Variants in RRP15 observed in about 807,000 individuals in gnomAD.
RRP15 encodes ribosomal RNA processing 15 homolog.
RRP15 carries 18 observed loss-of-function variants against 27.1 expected under a neutral mutation model. That is an observed-to-expected ratio of 0.66 (90% confidence interval 0.46 to 0.98). RRP15 has a LOEUF of 0.98. Among genes scored for constraint, RRP15 ranks in the 50% least tolerant of loss-of-function variants. The pLI, the probability that RRP15 is intolerant of heterozygous loss-of-function variation, is 0.00. For missense variants in RRP15, 359 were observed against 337.8 expected (o/e 1.06, Z -0.49); for synonymous variants, 107 against 109.4 (o/e 0.98, Z 0.14).
At chr1:218,305,779 T>G (rs1167024230) in intron 3 of RRP15, among the ~76,000 whole-genome samples, 6 of 152,158 alleles carry the variant, frequency 3.9e-5, no homozygotes, top group Non-Finnish European at 7.4e-5. Flanking sequence ...AAATTCTTGT[T>G]ACCTAAATTA....
chr1:218,301,606 C>T (rs1655812058), intron 1 of RRP15: 1 of 152,372 alleles, frequency 6.6e-6, no homozygotes, highest in Non-Finnish European at 1.5e-5. Flanking sequence ...CAATGGTACA[C>T]TTACACATTT....
intron 4 of RRP15, among the ~76,000 whole-genome samples, chr1:218,314,250 T>A (rs1397271540): frequency 1.3e-5 from 2 of 152,158 alleles, no homozygotes; most frequent in African/African-American, 2.4e-5. Flanking sequence ...TATAAAAAAA[T>A]TAAGCTTTAA....
chr1:218,325,540 A>G (rs1236934483), intron 4 of RRP15, among the ~76,000 whole-genome samples: 7 of 152,228 alleles, frequency 4.6e-5, no homozygotes, highest in Admixed American at 1.3e-4. Context: ...GTATTTGTCT[A>G]TTGCTTCCTT....
intron 4 of RRP15, among the ~76,000 whole-genome samples, chr1:218,322,258 G>C (rs1193458276): frequency 6.6e-6 from 1 of 152,078 alleles, no homozygotes; most frequent in Non-Finnish European, 1.5e-5. Context: ...TTTCTTATAA[G>C]GTAAGCATGA....
In RRP15 at chr1:218,333,585, C is replaced by G. The variant is rs1252081463; in HGVS notation, c.*2494C>G. The G allele has an allele frequency of 6.6e-6, 1 of 152,454 alleles. No individual in the cohort carries two copies. Among genetic ancestry groups the G allele is most frequent in the African/African-American group, 2.4e-5 (1 of 41,448 alleles). 9.4% of individuals were successfully genotyped at this position (152,454 alleles called of 1,614,324 possible). A position where few individuals can be genotyped will look rare whatever the true frequency, so the allele number is the denominator to read the frequency against. On this transcript the variant is annotated 3_prime_UTR_variant, in exon 5 of 5. Transcript: ENST00000366932. ...AATCTCAGCTCACTGCAACCTCCACCTCCCAGGTTCCAGCTATCCTCCCAC... is the reference window on the plus strand; with the variant it reads ...AATCTCAGCTCACTGCAACCTCCACGTCCCAGGTTCCAGCTATCCTCCCAC...
At chr1:218,300,770 A>G (rs1390759560) in intron 1 of RRP15, among the ~76,000 whole-genome samples, 2 of 152,240 alleles carry the variant, frequency 1.3e-5, no homozygotes, top group Non-Finnish European at 2.9e-5. Context: ...CTCAGAAGGT[A>G]GAAACAGCGG....
chr1:218,328,893 C>CAT (rs1656320168), intron 4 of RRP15, among the ~76,000 whole-genome samples: 1 of 152,046 alleles, frequency 6.6e-6, no homozygotes, highest in Non-Finnish European at 1.5e-5. Context: ...ACTTGCCTAA[C>CAT]ATAGAGGCTT....
chr1:218,319,768 T>G (rs1656157104), intron 4 of RRP15, among the ~76,000 whole-genome samples: 2 of 152,238 alleles, frequency 1.3e-5, no homozygotes, highest in Non-Finnish European at 2.9e-5. Flanking sequence ...TATGTAAGCT[T>G]TTTAGCAAAT....
chr1:218,316,586 A>C (rs1656092418), intron 4 of RRP15, among the ~76,000 whole-genome samples: 1 of 152,206 alleles, frequency 6.6e-6, no homozygotes, highest in African/African-American at 2.4e-5. Flanking sequence ...GCCTGAGTTC[A>C]AAATGCCTGT....
At position 218,302,439 on chromosome 1, in the gene RRP15, T is replaced by C. The variant is rs1171750311; in HGVS notation, c.285T>C (p.Ala95=). 1.2e-6 allele frequency: 2 copies of C among 1,614,142 alleles called. No homozygotes were observed. Among genetic ancestry groups the C allele is most frequent in the Non-Finnish European group, 1.7e-6 (2 of 1,180,018 alleles). Reference sequence around the variant, plus strand: ...GGACTAATATGGGCTGGGCAGATGCTATGGCTAAAGTCCTCAACAAGAAAA... The same window carrying C: ...GGACTAATATGGGCTGGGCAGATGCCATGGCTAAAGTCCTCAACAAGAAAA... ...SVGTNMGWAD[A]MAKVLNKKTP... is the part of the protein sequence containing the mutation. The change falls in exon 2 of 5, where the codon GCT becomes GCC. Residue 95 remains alanine (A), a synonymous_variant. Coordinates refer to ENST00000366932, the MANE Select transcript of RRP15 (RefSeq NM_016052.4).
intron 1 of RRP15, among the ~76,000 whole-genome samples, chr1:218,288,420 A>G (rs1018540515): frequency 4.6e-5 from 7 of 152,222 alleles, no homozygotes; most frequent in African/African-American, 1.7e-4. Context: ...GAACTTTCCT[A>G]TGTGCCTGGT....
chr1:218,294,984 T>C (rs1655698744), intron 1 of RRP15, among the ~76,000 whole-genome samples: 1 of 152,168 alleles, frequency 6.6e-6, no homozygotes, highest in South Asian at 2.1e-4. Flanking sequence ...TGACAAGTGT[T>C]ATAGAGGGGA....
chr1:218,294,997 G>A (rs982681950), intron 1 of RRP15, among the ~76,000 whole-genome samples: 5 of 152,178 alleles, frequency 3.3e-5, no homozygotes, highest in African/African-American at 9.6e-5. Flanking sequence ...AGAGGGGAAG[G>A]TGATGGCCCT....
At chr1:218,305,749 T>C (rs977104637) in intron 3 of RRP15, among the ~76,000 whole-genome samples, 6 of 152,214 alleles carry the variant, frequency 3.9e-5, no homozygotes, top group African/African-American at 1.4e-4. Context: ...CTAGCAGTTA[T>C]ATTTAGCAGA....
intron 4 of RRP15, among the ~76,000 whole-genome samples, chr1:218,312,741 G>A (rs1418909633): frequency 1.3e-5 from 2 of 152,134 alleles, no homozygotes; most frequent in African/African-American, 4.8e-5. Flanking sequence ...GACTCAGGAG[G>A]AAAGTACTTT....
chr1:218,329,119 G>A (rs1296042428), intron 4 of RRP15, among the ~76,000 whole-genome samples: 1 of 151,632 alleles, frequency 6.6e-6, no homozygotes, highest in Non-Finnish European at 1.5e-5. Flanking sequence ...AACCTGGGTT[G>A]GCTGGGTGTG....
rs1656416486 is a variant in RRP15 at position 218,334,285 on chromosome 1, GA to G, written c.*3196del. 6.6e-6 allele frequency: 1 copy of G among 152,172 alleles called. No homozygotes were observed. The highest frequency in any genetic ancestry group is 2.1e-4 in the South Asian group (1 of 4,826). The allele number at this position is 152,172 out of a possible 1,614,324, so 9.4% of individuals were successfully genotyped here. On this transcript the variant is annotated 3_prime_UTR_variant, in exon 5 of 5. Transcript: ENST00000366932. ...ATATACCTTGGAAACCCTTTGGATAGAACAGTTCAGAGGGTTACCACTAGTA... is the reference window on the plus strand; with the variant it reads ...ATATACCTTGGAAACCCTTTGGATAGACAGTTCAGAGGGTTACCACTAGTA...
At chr1:218,288,587 T>C (rs1310235584) in intron 1 of RRP15, among the ~76,000 whole-genome samples, 1 of 152,208 alleles carries the variant, frequency 6.6e-6, no homozygotes, top group Non-Finnish European at 1.5e-5. Context: ...AGTTGATAAA[T>C]GATACAACAA....
chr1:218,291,657 G>A (rs971885432), intron 1 of RRP15, among the ~76,000 whole-genome samples: 7 of 146,108 alleles, frequency 4.8e-5, no homozygotes, highest in Admixed American at 2.1e-4. Flanking sequence ...TCAGCCTTCC[G>A]AGTAGCTGGT....
Sources: allele counts gnomAD v4.1 joint callset (sites outside exome capture counted in the v4.1 genomes callset), GRCh38; gene constraint gnomAD v4.1.1; transcripts MANE v1.5; gene names NCBI Gene and HGNC (gene_info 2026-07-23, HGNC 2026-07-21).